Variants in PLXDC1 observed in about 807,000 individuals in gnomAD.
The protein encoded by PLXDC1 is plexin domain containing 1, also known as plexin domain-containing protein 1.
PLXDC1 carries 39 observed loss-of-function variants against 61.3 expected under a neutral mutation model. That is an observed-to-expected ratio of 0.64 (90% CI 0.49 to 0.83). PLXDC1 has a LOEUF of 0.83. PLXDC1 is among the 40% of genes least tolerant of loss of function. The pLI is 0.00. For missense variants in PLXDC1, 596 were observed against 666.5 expected (o/e 0.89, Z 1.17); for synonymous variants, 212 against 254.5 (o/e 0.83, Z 1.59).
At chr17:39,084,212 C>G (rs1003106690) in intron 8 of PLXDC1, among the ~76,000 whole-genome samples, 1 of 152,182 alleles carries the variant, frequency 6.6e-6, no homozygotes, top group African/African-American at 2.4e-5. Context: ...TCAGAGCATA[C>G]AAAGTAGCAG....
At chr17:39,122,514 G>A (rs760633372) in intron 2 of PLXDC1, among the ~76,000 whole-genome samples, 8 of 151,496 alleles carry the variant, frequency 5.3e-5, no homozygotes, top group East Asian at 3.9e-4. Context: ...AGGCAGAGCC[G>A]CAAGATAGCA....
chr17:39,127,737 C>T (rs1462817482), intron 2 of PLXDC1, among the ~76,000 whole-genome samples: 2 of 151,736 alleles, frequency 1.3e-5, no homozygotes, highest in South Asian at 2.1e-4. Context: ...GGGCGGATCA[C>T]GAGGTCAAGA....
Position 39,064,409 on chromosome 17 carries a change from G to GT in PLXDC1, c.*3430dup, listed in dbSNP as rs1429079448. 1.3e-5 allele frequency: 2 copies of GT among 152,200 alleles called. No individual in the cohort carries two copies. The highest frequency in any genetic ancestry group is 2.9e-5 in the Non-Finnish European group (2 of 68,040). 9.4% of individuals were successfully genotyped at this position (152,200 alleles called of 1,614,324 possible). ...CTGTGAGAAGTTTTAGGGGCAGGGG[G>GT]TTTAAATTATCAAATTTAGCTGGTT... On this transcript the variant is annotated 3_prime_UTR_variant, in exon 14 of 14. Transcript: ENST00000315392.
intron 2 of PLXDC1, among the ~76,000 whole-genome samples, chr17:39,110,091 A>C (rs919250019): frequency 7.9e-5 from 12 of 152,070 alleles, no homozygotes; most frequent in African/African-American, 2.9e-4. Context: ...GCGCCACTGC[A>C]CTCCAGCCTG....
At chr17:39,098,588 A>G (rs1007134240) in intron 7 of PLXDC1, among the ~76,000 whole-genome samples, 1 of 152,200 alleles carries the variant, frequency 6.6e-6, no homozygotes, top group Non-Finnish European at 1.5e-5. Flanking sequence ...GAGTATCAGC[A>G]TTTGTTCTCG....
intron 8 of PLXDC1, among the ~76,000 whole-genome samples, chr17:39,084,550 A>G (rs1598188804): frequency 6.6e-6 from 1 of 152,196 alleles, no homozygotes; most frequent in African/African-American, 2.4e-5. Flanking sequence ...CCATGGGGAG[A>G]AAACAGCTCT....
intron 2 of PLXDC1, among the ~76,000 whole-genome samples, chr17:39,125,836 A>G (rs1379108034): frequency 6.6e-6 from 1 of 152,200 alleles, no homozygotes; most frequent in African/African-American, 2.4e-5. Context: ...TTGAGCATTT[A>G]GGTAGCTTCC....
chr17:39,109,135 G>T (rs571134393), intron 3 of PLXDC1, 113 bp downstream of exon 3: 8 of 1,415,394 alleles, frequency 5.7e-6, no homozygotes, highest in East Asian at 2.4e-5. Context: ...CCCCTGGAAG[G>T]TACCTCCCAG....
chr17:39,116,760 G>T (rs1471640595), intron 2 of PLXDC1, among the ~76,000 whole-genome samples: 1 of 152,226 alleles, frequency 6.6e-6, no homozygotes, highest in African/African-American at 2.4e-5. Flanking sequence ...ATGGAACATG[G>T]ATGATCCTCG....
chr17:39,089,713 G>A (rs1219611360), intron 7 of PLXDC1, among the ~76,000 whole-genome samples: 2 of 152,180 alleles, frequency 1.3e-5, no homozygotes, highest in African/African-American at 2.4e-5. Context: ...TGGGCGTCCC[G>A]TGCCACTGCT....
chr17:39,126,125 A>C (rs1209887574), intron 2 of PLXDC1, among the ~76,000 whole-genome samples: 1 of 152,130 alleles, frequency 6.6e-6, no homozygotes, highest in Non-Finnish European at 1.5e-5. Flanking sequence ...GTGGTGGCGC[A>C]TGCCTGTAAT....
intron 2 of PLXDC1, among the ~76,000 whole-genome samples, chr17:39,136,102 G>T (rs530486786): frequency 6.6e-6 from 1 of 152,128 alleles, no homozygotes; most frequent in African/African-American, 2.4e-5. Flanking sequence ...GAACTGCCAG[G>T]TGTCTCCTTA....
chr17:39,151,498 C>A lies in PLXDC1; in HGVS notation c.-61G>T. 8.1e-7 allele frequency: 1 copy of A among 1,231,380 alleles called. No homozygotes were observed. The highest frequency in any genetic ancestry group is 1.0e-6 in the Non-Finnish European group (1 of 986,704). The allele number at this position is 1,231,380 out of a possible 1,614,324, so 76.3% of individuals were successfully genotyped here. A position where few individuals can be genotyped will look rare whatever the true frequency, so the allele number is the denominator to read the frequency against. ...GCCCCGGTCCTGACGAGGGAGGGGG[C>A]CCTGGCTCAGGCTGCGGCCGCGCGG... On this transcript the variant is annotated 5_prime_UTR_variant, in exon 1 of 14. Transcript: ENST00000315392. This position sits in a 1 kb window ranked among gnomAD's most constrained non-coding sequence, Gnocchi z 5.2.
Position 39,109,342 on chromosome 17 carries a change from G to A in PLXDC1, c.305C>T (p.Pro102Leu). ...ATCTACCCACAGTTCCCGGCTGTGG[G>A]GCTCGCTGGGGCCATAGAGACGGGA... ...YVSRLYGPSE[P>L]HSRELWVDVA... Residue 102 changes from proline to leucine, a missense_variant, in exon 3 of 14, where the codon CCC becomes CTC. Pro to Leu is a moderately conservative substitution (Grantham distance 98). Transcript: ENST00000315392. 1 of 1,608,612 alleles carries A rather than the reference G, an allele frequency of 6.2e-7. No homozygotes were observed. The highest frequency in any genetic ancestry group is 8.5e-7 in the Non-Finnish European group (1 of 1,178,146).
intron 2 of PLXDC1, among the ~76,000 whole-genome samples, chr17:39,122,266 G>T (rs537538045): frequency 2.7e-5 from 4 of 150,658 alleles, no homozygotes; most frequent in Non-Finnish European, 4.4e-5. Flanking sequence ...TTAGCCAGGC[G>T]TGGTGAGGCA....
At chr17:39,125,315 G>A (rs867127280) in intron 2 of PLXDC1, among the ~76,000 whole-genome samples, 25 of 152,216 alleles carry the variant, frequency 1.6e-4, no homozygotes, top group African/African-American at 6.0e-4. Flanking sequence ...CTCGCTGAGG[G>A]TCTGGGGTAG....
chr17:39,081,404 A>G (rs1909551039), intron 9 of PLXDC1: 2 of 149,166 alleles, frequency 1.3e-5, no homozygotes, highest in South Asian at 2.1e-4. Context: ...TCATGAGGTC[A>G]GGAGATCGAG....
chr17:39,097,100 G>A, intron 7 of PLXDC1: 1 of 430,964 alleles, frequency 2.3e-6, no homozygotes, highest in Non-Finnish European at 4.9e-6. Context: ...CCCTTGCCTA[G>A]CAGGGGTGGG....
intron 4 of PLXDC1, 86 bp from the exon 5 acceptor site, chr17:39,108,331 A>C: frequency 1.4e-6 from 2 of 1,414,260 alleles, no homozygotes. Context: ...CAAGAAGGGC[A>C]GCGCAGGCAG....
Sources: gnomAD v4.1 joint callset for allele counts (sites outside exome capture counted in the v4.1 genomes callset) on GRCh38, gnomAD v4.1.1 for gene constraint, Gnocchi (gnomAD v3.1) non-coding constraint, MANE v1.5 for transcripts, NCBI Gene and HGNC (gene_info 2026-07-23, HGNC 2026-07-21) for gene names.